The following MTA3 variants were observed in gnomAD, a reference collection of about 807,000 sequenced individuals.
MTA3 encodes metastasis-associated protein MTA3.
In MTA3, 34 loss-of-function variants were observed where a neutral mutation model predicts 83.5. The ratio of observed to expected loss-of-function variants is 0.41; its 90% CI spans 0.31 to 0.54. The LOEUF is 0.54. Ranked by LOEUF, MTA3 falls within the 20% of genes least tolerant of loss-of-function variation. The pLI is 0.33. For synonymous variants in MTA3, 303 were observed against 252.7 expected (o/e 1.20, Z -1.89); for missense variants, 761 against 726.4 (o/e 1.05, Z -0.55).
intron 6 of MTA3, among the ~76,000 whole-genome samples, chr2:42,648,583 G>A (rs1480868025): frequency 6.6e-6 from 1 of 152,090 alleles, no homozygotes; most frequent in African/African-American, 2.4e-5. Flanking sequence ...GTGGCTTTTC[G>A]ATTTTTAAAT....
chr2:42,594,912 A>G (rs1457777234), intron 3 of MTA3, among the ~76,000 whole-genome samples: 1 of 143,364 alleles, frequency 7.0e-6, no homozygotes, highest in African/African-American at 2.6e-5. Context: ...TTATTTATTT[A>G]TTTATTCATT....
intron 2 of MTA3, among the ~76,000 whole-genome samples, chr2:42,502,449 T>C (rs1044364193): frequency 6.6e-6 from 1 of 152,174 alleles, no homozygotes; most frequent in Non-Finnish European, 1.5e-5. Flanking sequence ...TTACTTTCTA[T>C]AGGGAAATAA....
chr2:42,542,227 G>A (rs549574793), intron 2 of MTA3, among the ~76,000 whole-genome samples: 7 of 152,264 alleles, frequency 4.6e-5, no homozygotes, highest in South Asian at 2.1e-4. Flanking sequence ...ACAGGGGAGC[G>A]GGGTCCCAAA....
At chr2:42,703,930 T>G in intron 11 of MTA3, 1 of 283,954 alleles carries the variant, frequency 3.5e-6, no homozygotes, top group Non-Finnish European at 6.7e-6. Flanking sequence ...CTAAGGAAAT[T>G]GTATTCGGAC....
chr2:42,681,923 TA>T (rs199914335), intron 8 of MTA3, among the ~76,000 whole-genome samples: 6 of 148,702 alleles, frequency 4.0e-5, no homozygotes, highest in Non-Finnish European at 7.5e-5. Flanking sequence ...GGTAAATAAA[TA>T]AAAAAAAATA....
chr2:42,524,626 C>G (rs1487558276), intron 2 of MTA3, among the ~76,000 whole-genome samples: 1 of 151,656 alleles, frequency 6.6e-6, no homozygotes, highest in Non-Finnish European at 1.5e-5. Flanking sequence ...GCCCCGCCAG[C>G]TGCAACCATT....
intron 3 of MTA3, among the ~76,000 whole-genome samples, chr2:42,599,314 C>T (rs377166933): frequency 1.4e-3 from 215 of 152,236 alleles, no homozygotes; most frequent in African/African-American, 4.7e-3. Flanking sequence ...TGGTACCGGG[C>T]GCGGCGGCTT....
In MTA3 at chr2:42,754,277, C is replaced by T; in HGVS notation, c.*878C>T. 1 of 985,418 alleles carries T rather than the reference C, an allele frequency of 1.0e-6. No homozygotes were observed. The highest frequency in any genetic ancestry group is 1.1e-4 in the East Asian group (1 of 8,820). 61.0% of individuals were successfully genotyped at this position (985,418 alleles called of 1,614,324 possible). On this transcript the variant is annotated 3_prime_UTR_variant, in exon 17 of 17. Coordinates refer to ENST00000405094, the MANE Select transcript of MTA3 (RefSeq NM_001330442.2). ...GGTCCTACAGCAGGTCACAAATGAC[C>T]TAGTTTCATTTTAAGCAGACAGACT...
intron 8 of MTA3, among the ~76,000 whole-genome samples, chr2:42,676,786 T>C (rs1691398838): frequency 6.6e-6 from 1 of 152,056 alleles, no homozygotes; most frequent in South Asian, 2.1e-4. Context: ...GATAAATTAT[T>C]TTTATTTTGA....
intron 11 of MTA3, chr2:42,703,906 T>G (rs1283641568): frequency 2.6e-5 from 6 of 227,160 alleles, no homozygotes; most frequent in Admixed American, 1.1e-4. Context: ...AAAAAAAAAG[T>G]GTCAGAGGAT....
exon 1 of MTA3, chr2:42,494,617 G>C (rs1483337774): frequency 6.6e-6 from 1 of 152,280 alleles, no homozygotes; most frequent in Non-Finnish European, 1.5e-5. Context: ...TCCCCGACCC[G>C]GCCCCGGCCC....
At chr2:42,580,291 C>T (rs2103875138) in intron 3 of MTA3, among the ~76,000 whole-genome samples, 1 of 151,918 alleles carries the variant, frequency 6.6e-6, no homozygotes, top group Non-Finnish European at 1.5e-5. Context: ...ACATTTTTCC[C>T]CCCCTTCTTT....
chr2:42,543,557 A>G (rs1676618303), intron 2 of MTA3, among the ~76,000 whole-genome samples: 1 of 151,674 alleles, frequency 6.6e-6, no homozygotes, highest in Non-Finnish European at 1.5e-5. Flanking sequence ...ATTATAGCTC[A>G]TTGCAACAGC....
intron 10 of MTA3, among the ~76,000 whole-genome samples, chr2:42,696,253 C>A (rs1054110530): frequency 6.6e-6 from 1 of 152,304 alleles, no homozygotes; most frequent in South Asian, 2.1e-4. Flanking sequence ...AACCTCTTTA[C>A]ATGACATTTG....
intron 8 of MTA3, among the ~76,000 whole-genome samples, chr2:42,674,175 C>T (rs1189632284): frequency 3.3e-5 from 5 of 152,126 alleles, no homozygotes; most frequent in African/African-American, 1.2e-4. Flanking sequence ...AGTTATGTCA[C>T]ATATCCTAAC....
At chr2:42,675,520 A>G (rs1002903451) in intron 8 of MTA3, among the ~76,000 whole-genome samples, 17 of 152,262 alleles carry the variant, frequency 1.1e-4, no homozygotes, top group African/African-American at 3.4e-4. Context: ...CAGCTTAAAC[A>G]TTTTTACCTG....
intron 2 of MTA3, among the ~76,000 whole-genome samples, chr2:42,515,841 A>ATTTTT (rs35541351): frequency 2.3e-5 from 3 of 132,602 alleles, no homozygotes; most frequent in Non-Finnish European, 3.2e-5. Flanking sequence ...TATTTTATGT[A>ATTTTT]TTTTTTTTTT....
chr2:42,715,616 C>G (rs1445576724), intron 14 of MTA3, among the ~76,000 whole-genome samples: 1 of 152,094 alleles, frequency 6.6e-6, no homozygotes, highest in African/African-American at 2.4e-5. Context: ...TTCAGAGGTA[C>G]TCTGTAATGC....
intron 15 of MTA3, among the ~76,000 whole-genome samples, chr2:42,722,623 C>T (rs866901392): frequency 1.3e-5 from 2 of 152,158 alleles, no homozygotes; most frequent in South Asian, 4.1e-4. Flanking sequence ...ATGTGACCTT[C>T]TGAAGTGGCT....
Sources: allele counts gnomAD v4.1 joint callset (sites outside exome capture counted in the v4.1 genomes callset), GRCh38; gene constraint gnomAD v4.1.1; transcripts MANE v1.5; gene names NCBI Gene and HGNC (gene_info 2026-07-23, HGNC 2026-07-21).